The following APP variants were observed in gnomAD, a reference collection of about 807,000 sequenced individuals.
The protein encoded by APP is amyloid-beta precursor protein.
In APP, 31 loss-of-function variants were observed where a neutral mutation model predicts 101.4. The ratio of observed to expected loss-of-function variants is 0.31; its 90% confidence interval spans 0.23 to 0.41. The LOEUF (loss-of-function observed/expected upper bound fraction) is 0.41, where lower values mean the gene tolerates loss of function less well. Ranked by LOEUF, APP falls within the 10% of genes least tolerant of loss-of-function variation. The pLI, the probability that APP is intolerant of heterozygous loss-of-function variation, is 1.00. For synonymous variants in APP, 366 were observed against 364.4 expected, an observed-to-expected ratio of 1.00 and a Z score of -0.05; for missense variants, 839 against 1,003.7, an observed-to-expected ratio of 0.84 and a Z score of 2.22.
chr21:25,945,444 A>G (rs779168510), intron 13 of APP: 1 of 130,444 alleles, frequency 7.7e-6, no homozygotes, highest in Non-Finnish European at 1.6e-5. Context: ...AAGATCTTAA[A>G]ATTCATGTTG....
chr21:25,892,787 T>C (rs1387582770), intron 16 of APP, among the ~76,000 whole-genome samples: 1 of 152,226 alleles, frequency 6.6e-6, no homozygotes, highest in Admixed American at 6.5e-5. Context: ...TGAATGAAAT[T>C]ATAGAAGCAC....
intron 1 of APP, among the ~76,000 whole-genome samples, chr21:26,137,922 T>C (rs2062955967): frequency 6.6e-6 from 1 of 152,140 alleles, no homozygotes; most frequent in Non-Finnish European, 1.5e-5. Context: ...TACATGTTTG[T>C]TCCATCAACA....
intron 6 of APP, among the ~76,000 whole-genome samples, chr21:26,018,338 T>A (rs2044192091): frequency 1.3e-5 from 2 of 152,234 alleles, no homozygotes; most frequent in Non-Finnish European, 2.9e-5. Context: ...CCCTGCAGTA[T>A]CTCATCTTTG....
chr21:25,994,340 T>A (rs1281205811), intron 8 of APP, among the ~76,000 whole-genome samples: 5 of 152,190 alleles, frequency 3.3e-5, no homozygotes, highest in Non-Finnish European at 5.9e-5. Flanking sequence ...GGTTTTTTTT[T>A]AATGATTTGA....
intron 14 of APP, among the ~76,000 whole-genome samples, chr21:25,910,845 A>G (rs943929788): frequency 6.6e-6 from 1 of 152,364 alleles, no homozygotes; most frequent in African/African-American, 2.4e-5. Flanking sequence ...TGCCTTTAAC[A>G]TTTAATTCAA....
chr21:25,885,882 G>T (rs377347817), intron 17 of APP, among the ~76,000 whole-genome samples: 1 of 152,176 alleles, frequency 6.6e-6, no homozygotes, highest in African/African-American at 2.4e-5. Flanking sequence ...GCAGGGACAA[G>T]ATTCTATTTG....
chr21:26,123,424 A>T (rs1235233077), intron 1 of APP, among the ~76,000 whole-genome samples: 1 of 152,222 alleles, frequency 6.6e-6, no homozygotes, highest in Non-Finnish European at 1.5e-5. Flanking sequence ...TATTTAGTTT[A>T]AGCCAAGATT....
intron 3 of APP, among the ~76,000 whole-genome samples, chr21:26,064,367 C>T (rs1216998909): frequency 6.6e-6 from 1 of 152,178 alleles, no homozygotes; most frequent in Non-Finnish European, 1.5e-5. Context: ...ACTCTCTGGA[C>T]TATCCTCTCA....
intron 6 of APP, among the ~76,000 whole-genome samples, chr21:26,015,056 C>G (rs938500648): frequency 6.6e-6 from 1 of 151,982 alleles, no homozygotes. Context: ...TATATTCACA[C>G]AAAAAAAATT....
At position 26,016,933 on chromosome 21, in the gene APP, GGGGCGGGGGGCGGGGGGC is replaced by G. The variant is rs769835762; in HGVS notation, c.865+4889_865+4906del. ...GGCCTGTATTCCCAGCACTTTGTGG[GGGGCGGGGGGCGGGGGGC>G]GGGGGGTGCCGCCAAGGTGGGCAGA... is the stretch of plus-strand genomic sequence containing the variant. On this transcript the variant is annotated intron_variant, in intron 6 of 17. Coordinates refer to ENST00000346798, the MANE Select transcript of APP (RefSeq NM_000484.4). Among the ~76,000 whole-genome samples, 244 of 51,004 alleles carry G rather than the reference GGGGCGGGGGGCGGGGGGC, an allele frequency of 4.8e-3. 8 individuals carry two copies. The highest frequency in any genetic ancestry group is 0.034 in the Middle Eastern group (4 of 116). 33.5% of individuals were successfully genotyped at this position (51,004 alleles called of 152,430 possible).
chr21:26,042,807 T>C (rs2045434154), intron 5 of APP, among the ~76,000 whole-genome samples: 1 of 152,116 alleles, frequency 6.6e-6, no homozygotes, highest in Non-Finnish European at 1.5e-5. Context: ...TCTTAGCCAT[T>C]TGGGAGGCTG....
At chr21:26,010,869 A>G (rs1167723209) in intron 6 of APP, among the ~76,000 whole-genome samples, 1 of 150,482 alleles carries the variant, frequency 6.6e-6, no homozygotes, top group Non-Finnish European at 1.5e-5. Flanking sequence ...CAAAAAAAAC[A>G]CACAAAACTT....
intron 5 of APP, among the ~76,000 whole-genome samples, chr21:26,046,158 G>A (rs183902832): frequency 6.6e-6 from 1 of 151,792 alleles, no homozygotes; most frequent in Admixed American, 6.6e-5. Context: ...AGAGATCTGG[G>A]TGGGAAAAAA....
intron 1 of APP, among the ~76,000 whole-genome samples, chr21:26,127,610 G>A (rs1165214730): frequency 6.6e-6 from 1 of 152,214 alleles, no homozygotes; most frequent in Non-Finnish European, 1.5e-5. Context: ...TGTAGGAACT[G>A]GCTGAAGGGA....
intron 2 of APP, among the ~76,000 whole-genome samples, chr21:26,090,448 A>C (rs1601433063): frequency 8.4e-6 from 1 of 118,782 alleles, no homozygotes; most frequent in African/African-American, 3.3e-5. Context: ...GACCAAGCTA[A>C]AGAAATTCAG....
In APP at chr21:25,982,494, A is replaced by G; in HGVS notation, c.1091-17T>C. The G allele has an allele frequency of 6.2e-7, 1 of 1,613,070 alleles. No homozygotes were observed. Among genetic ancestry groups the G allele is most frequent in the Non-Finnish European group, 8.5e-7 (1 of 1,179,444 alleles). ...TTGTAGGAACTATAAAGTAGAAGAG[A>G]AGGAGGTTTGAGAAAAAAAAGCCAA... is the stretch of plus-strand genomic sequence containing the variant. On this transcript the variant is annotated splice_polypyrimidine_tract_variant and intron_variant, in intron 8 of 17. Transcript: ENST00000346798.
chr21:26,065,938 T>C (rs1010258409), intron 3 of APP, among the ~76,000 whole-genome samples: 1 of 152,066 alleles, frequency 6.6e-6, no homozygotes, highest in Non-Finnish European at 1.5e-5. Flanking sequence ...CAAAATCACC[T>C]GGGATCCTGA....
intron 15 of APP, among the ~76,000 whole-genome samples, chr21:25,898,294 CAACT>C (rs2146267420): frequency 6.6e-6 from 1 of 152,288 alleles, no homozygotes; most frequent in South Asian, 2.1e-4. Context: ...TGCTTCTTAG[CAACT>C]AACAGAATTT....
chr21:26,142,312 C>A (rs963873101), intron 1 of APP, among the ~76,000 whole-genome samples: 1 of 152,154 alleles, frequency 6.6e-6, no homozygotes, highest in Non-Finnish European at 1.5e-5. Context: ...AGCCCTCACT[C>A]GATCTTTCTA....
Sources: gnomAD v4.1 joint callset for allele counts (sites outside exome capture counted in the v4.1 genomes callset) on GRCh38, gnomAD v4.1.1 for gene constraint, MANE v1.5 for transcripts, NCBI Gene and HGNC (gene_info 2026-07-23, HGNC 2026-07-21) for gene names.